PHKB: variants seen among roughly 807,000 people sequenced by gnomAD.
The protein encoded by PHKB is phosphorylase b kinase regulatory subunit beta.
PHKB carries 122 observed loss-of-function variants against 152.1 expected under a neutral mutation model. That is an observed-to-expected ratio of 0.80 (90% CI 0.69 to 0.93). PHKB has a LOEUF of 0.93. Among genes scored for constraint, PHKB ranks in the 40% least tolerant of loss-of-function variants. PHKB has a pLI of 0.00. For synonymous variants in PHKB, 436 were observed against 464.9 expected (o/e 0.94, Z 0.80); for missense variants, 1,304 against 1,328.4 (o/e 0.98, Z 0.29).
intron 28 of PHKB, among the ~76,000 whole-genome samples, chr16:47,694,237 T>C (rs752402577): frequency 1.3e-5 from 2 of 152,230 alleles, no homozygotes; most frequent in Non-Finnish European, 2.9e-5. Flanking sequence ...TTCTTTGATG[T>C]GATTATTTAA....
intron 6 of PHKB, among the ~76,000 whole-genome samples, chr16:47,543,308 G>T (rs1322071321): frequency 6.6e-6 from 1 of 152,150 alleles, no homozygotes; most frequent in Non-Finnish European, 1.5e-5. Flanking sequence ...TACGTTTAAT[G>T]ATTCACATGT....
At chr16:47,507,478 T>A (rs919256432) in intron 4 of PHKB, among the ~76,000 whole-genome samples, 1 of 152,168 alleles carries the variant, frequency 6.6e-6, no homozygotes, top group African/African-American at 2.4e-5. Context: ...AATTGTAATA[T>A]GTTTTCTTTT....
At chr16:47,648,437 C>G (rs992637441) in intron 16 of PHKB, 96 bp from the exon 17 acceptor site, 1 of 907,762 alleles carries the variant, frequency 1.1e-6, no homozygotes, top group Non-Finnish European at 1.8e-6. Context: ...GCTTCTTTCT[C>G]TCTGGAAAGA....
At chr16:47,485,681 G>A (rs1970037002) in intron 1 of PHKB, among the ~76,000 whole-genome samples, 1 of 152,246 alleles carries the variant, frequency 6.6e-6, no homozygotes, top group South Asian at 2.1e-4. Context: ...GTCCAGGTGC[G>A]TGATCTTTGC....
intron 9 of PHKB, 68 bp from the exon 10 acceptor site, chr16:47,588,837 A>G: frequency 2.2e-6 from 3 of 1,351,748 alleles, no homozygotes; most frequent in Admixed American, 1.7e-5. Context: ...CATCTCTATC[A>G]TTCTCCTTGG....
rs891220285 is a variant in PHKB at position 47,501,612 on chromosome 16, A to G, written c.306-1379A>G. Among the ~76,000 whole-genome samples the G allele has an allele frequency of 2.0e-5, 3 of 152,222 alleles. No homozygotes were observed. The South Asian group carries it at 6.2e-4, about 32-fold the overall frequency. On this transcript the variant is annotated intron_variant, in intron 3 of 30. Transcript: ENST00000323584. ...CATGATGTTCGTAGCTTACTTTCAA[A>G]CAATGAAGAAAATATTATAGAGAAT...
chr16:47,626,434 G>T (rs886293205), intron 14 of PHKB, among the ~76,000 whole-genome samples: 1 of 152,190 alleles, frequency 6.6e-6, no homozygotes, highest in South Asian at 2.1e-4. Context: ...AGAAAGTAGA[G>T]CAGGTTTTCA....
intron 4 of PHKB, among the ~76,000 whole-genome samples, chr16:47,503,549 G>A (rs964112891): frequency 1.3e-5 from 2 of 152,148 alleles, no homozygotes; most frequent in Non-Finnish European, 2.9e-5. Context: ...CAGCTTTACA[G>A]GCCAGGCGCA....
chr16:47,533,478 G>A (rs1970897497), intron 6 of PHKB, among the ~76,000 whole-genome samples: 1 of 152,178 alleles, frequency 6.6e-6, no homozygotes, highest in South Asian at 2.1e-4. Flanking sequence ...GGGCCTGCAG[G>A]CCAGTGCCAG....
intron 25 of PHKB, chr16:47,666,065 C>A: frequency 6.7e-7 from 1 of 1,485,262 alleles, no homozygotes; most frequent in Non-Finnish European, 9.4e-7. Context: ...CTTATTTGGT[C>A]CCGGTTGCAA....
At chr16:47,659,173 C>T (rs982273977) in intron 20 of PHKB, among the ~76,000 whole-genome samples, 15 of 151,940 alleles carry the variant, frequency 9.9e-5, no homozygotes, top group Non-Finnish European at 1.6e-4. Flanking sequence ...CTCACTCAAA[C>T]TCAAGGAAGC....
At chr16:47,555,107 A>T (rs1488393049) in intron 7 of PHKB, among the ~76,000 whole-genome samples, 1 of 152,250 alleles carries the variant, frequency 6.6e-6, no homozygotes, top group Non-Finnish European at 1.5e-5. Flanking sequence ...AGAGGCTTTC[A>T]GTGACCCTTT....
chr16:47,472,761 G>C (rs1310217418), intron 1 of PHKB, among the ~76,000 whole-genome samples: 1 of 151,744 alleles, frequency 6.6e-6, no homozygotes, highest in Admixed American at 6.6e-5. Flanking sequence ...CAGCCTGGGC[G>C]ACAGGGCGAG....
intron 14 of PHKB, among the ~76,000 whole-genome samples, chr16:47,633,560 T>C (rs1009268703): frequency 2.0e-5 from 3 of 152,148 alleles, no homozygotes; most frequent in Non-Finnish European, 4.4e-5. Context: ...CAAAAGATAT[T>C]TGGATACCCT....
rs771340352 is a variant in PHKB at position 47,693,429 on chromosome 16, C to T, written c.2817C>T (p.Thr939=). The part of the protein sequence containing the change: ...QIDGSLNRTP[T]GFYDRVWQIL... ...ATGGGTCTTTGAATAGAACTCCCAC[C>T]GGGTTCTATGACCGAGTGTGGCAGA... Residue 939 remains threonine (T), a synonymous_variant, in exon 28 of 31, where the codon ACC becomes ACT. Coordinates refer to ENST00000323584, the MANE Select transcript of PHKB (RefSeq NM_000293.3). The T allele has an allele frequency of 2.5e-6, 4 of 1,613,378 alleles. No homozygotes were observed. The Admixed American group carries it at 5.0e-5, about 20-fold the overall frequency.
rs200836150 is a variant in PHKB, at chr16:47,693,470, C to A, written c.2858C>A (p.Pro953His). 1 of 1,614,040 alleles carries A rather than the reference C, an allele frequency of 6.2e-7. No homozygotes were observed. Among genetic ancestry groups the A allele is most frequent in the South Asian group, 1.1e-5 (1 of 91,068 alleles). Residue 953 changes from proline to histidine, a missense_variant, in exon 28 of 31, where the codon CCC (proline) becomes CAC (histidine). Transcript: ENST00000323584. The part of the protein sequence containing the change: ...DRVWQILERT[P>H]NGIIVAGKHL... ...GTGTGGCAGATTCTGGAGCGCACGC[C>A]CAATGGGATCATTGTTGCTGGGAAG... is the stretch of plus-strand genomic sequence containing the variant.
intron 7 of PHKB, among the ~76,000 whole-genome samples, chr16:47,572,610 C>A (rs1971680715): frequency 2.0e-5 from 3 of 152,118 alleles, no homozygotes; most frequent in Admixed American, 2.0e-4. Context: ...TGGAGCTGGG[C>A]AAGGCTGACC....
At chr16:47,693,253 G>C (rs1476480397) in intron 27 of PHKB, 125 bp from the exon 28 acceptor site, 2 of 863,548 alleles carry the variant, frequency 2.3e-6, no homozygotes, top group African/African-American at 3.3e-5. Context: ...ACGGAGATAT[G>C]CATCATTGAT....
rs772224126 is a variant in PHKB, at chr16:47,547,556, G to A, written c.710+8G>A. ...CACAGAGCTACATTCGAGGTAATTTGCTGATTTCTGAGGTTTTTTTTTTAA... is the reference window on the plus strand; with the variant it reads ...CACAGAGCTACATTCGAGGTAATTTACTGATTTCTGAGGTTTTTTTTTTAA... On this transcript the variant is annotated splice_region_variant and intron_variant, in intron 7 of 30. Transcript: ENST00000323584. The A allele has an allele frequency of 2.7e-6, 4 of 1,490,834 alleles. No individual in the cohort carries two copies. The African/African-American group carries it at 5.5e-5, about 21-fold the overall frequency. 92.4% of individuals were successfully genotyped at this position (1,490,834 alleles called of 1,614,324 possible).
Sources: gnomAD v4.1 joint callset for allele counts (sites outside exome capture counted in the v4.1 genomes callset) on GRCh38, gnomAD v4.1.1 for gene constraint, MANE v1.5 for transcripts, NCBI Gene and HGNC (gene_info 2026-07-23, HGNC 2026-07-21) for gene names.